Variants in PLK1 observed in about 807,000 individuals in gnomAD.
PLK1 encodes polo like kinase 1.
PLK1 carries 6 observed loss-of-function variants against 56.7 expected under a neutral mutation model. The observed-to-expected ratio is 0.11, with a 90% CI of 0.06 to 0.21. The LOEUF is 0.21. Among genes scored for constraint, PLK1 ranks in the 10% least tolerant of loss-of-function variants. The pLI is 1.00. For missense variants in PLK1, 546 were observed against 814.4 expected, an observed-to-expected ratio of 0.67 and a Z score of 4.01; for synonymous variants, 298 against 325.0, an observed-to-expected ratio of 0.92 and a Z score of 0.89.
chr16:23,679,024 C>G lies in PLK1; in HGVS notation c.92C>G (p.Pro31Arg). ...GVPGVAAPGA[P>R]AAAPPAKEIP... ...CCCGGAGTTGCAGCTCCCGGAGCTC[C>G]GGCGGCGGCTCCACCGGCGAAAGAG... Residue 31 changes from proline (P) to arginine (R), a missense_variant, in exon 1 of 10, where the codon CCG becomes CGG. Pro to Arg is a moderately radical substitution (Grantham distance 103). Transcript: ENST00000300093. The G allele has an allele frequency of 6.2e-7, 1 of 1,608,434 alleles. No individual in the cohort carries two copies. Among genetic ancestry groups the G allele is most frequent in the South Asian group, 1.1e-5 (1 of 90,722 alleles).
chr16:23,685,236 A>C (rs1390868494), intron 5 of PLK1, among the ~76,000 whole-genome samples: 1 of 151,874 alleles, frequency 6.6e-6, no homozygotes, highest in Non-Finnish European at 1.5e-5. Flanking sequence ...ACAACAACAA[A>C]AAACTCCCCA....
chr16:23,679,101 C>T lies in PLK1; in HGVS notation c.169C>T (p.Arg57Cys), dbSNP rs757915883. 1 of 1,609,712 alleles carries T rather than the reference C, an allele frequency of 6.2e-7. No individual in the cohort carries two copies. ...CAGCCGGCGGCGCTATGTGCGGGGCCGCTTTTTGGGCAAGGGCGGCTTTGC... is the reference window on the plus strand; with the variant it reads ...CAGCCGGCGGCGCTATGTGCGGGGCTGCTTTTTGGGCAAGGGCGGCTTTGC... The part of the protein sequence containing the change: ...PRSRRRYVRG[R>C]FLGKGGFAKC... The change falls in exon 1 of 10, where the codon CGC becomes TGC. Residue 57 changes from arginine to cysteine, a missense_variant. This residue lies in a region of PLK1 where 111 missense variants were observed against 211.8 expected (regional missense o/e 0.52). Coordinates refer to ENST00000300093, the MANE Select transcript of PLK1 (RefSeq NM_005030.6).
In PLK1 at chr16:23,688,659, CT is replaced by C; in HGVS notation, c.1193-8del. On this transcript the variant is annotated splice_polypyrimidine_tract_variant and splice_region_variant and intron_variant, in intron 6 of 9. Coordinates refer to ENST00000300093, the MANE Select transcript of PLK1 (RefSeq NM_005030.6). ...TGACCAACTAACTGTCTGTCTGTTT[CT>C]GTCTCAGAGGAGGCTGAGGATCCTG... 6.2e-7 allele frequency: 1 copy of C among 1,608,658 alleles called. No homozygotes were observed. Among genetic ancestry groups the C allele is most frequent in the Non-Finnish European group, 8.5e-7 (1 of 1,174,922 alleles).
chr16:23,689,659 C>A lies in PLK1; in HGVS notation c.1591C>A (p.Gln531Lys). The stretch of plus-strand genomic sequence containing the variant: ...CCTGCACCTCAGCAACGGCAGCGTG[C>A]AGATCAACTTCTTCCAGGTGAGCTG... ...IILHLSNGSV[Q>K]INFFQDHTKL... Residue 531 changes from glutamine (Q) to lysine (K), a missense_variant, in exon 9 of 10, where the codon CAG becomes AAG. Gln to Lys is a moderately conservative substitution (Grantham distance 53). Around this residue, in one of 7 missense-constraint regions of PLK1, gnomAD observed 113 missense variants for 202.0 expected, o/e 0.56. Coordinates refer to ENST00000300093, the MANE Select transcript of PLK1 (RefSeq NM_005030.6). This position sits in a 1 kb window ranked among gnomAD's most constrained non-coding sequence, Gnocchi z 4.8. The A allele has an allele frequency of 6.2e-7, 1 of 1,605,236 alleles. No homozygotes were observed. Among genetic ancestry groups the A allele is most frequent in the Non-Finnish European group, 8.5e-7 (1 of 1,175,520 alleles).
intron 1 of PLK1, 114 bp from the exon 2 acceptor site, chr16:23,679,970 C>A: frequency 1.5e-6 from 1 of 686,536 alleles, no homozygotes; most frequent in South Asian, 1.8e-5. Context: ...CCTCTTTCAT[C>A]CCTTGGGAGT....
rs773813284 is a variant in PLK1, at chr16:23,679,483, G to A, written c.408+143G>A. On this transcript the variant is annotated intron_variant, in intron 1 of 9. Transcript: ENST00000300093. ...AGGGTGCTGGGAGCCTCCCGCTTAC[G>A]TATGGAAAGTGTCTTTGGTAAGGGC... 18 of 715,434 alleles carry A rather than the reference G, an allele frequency of 2.5e-5. No homozygotes were observed. The South Asian group carries it at 3.5e-4, about 14-fold the overall frequency. 44.3% of individuals were successfully genotyped at this position (715,434 alleles called of 1,614,324 possible). A position where few individuals can be genotyped will look rare whatever the true frequency, so the allele number is the denominator to read the frequency against.
chr16:23,686,742 C>T lies in PLK1; in HGVS notation c.1037-727C>T, dbSNP rs896344451. Among the ~76,000 whole-genome samples the T allele has an allele frequency of 2.6e-5, 4 of 152,212 alleles. No homozygotes were observed. In the East Asian group the frequency reaches 5.8e-4, roughly 22 times the overall value. On this transcript the variant is annotated intron_variant, in intron 5 of 9. Coordinates refer to ENST00000300093, the MANE Select transcript of PLK1 (RefSeq NM_005030.6). The stretch of plus-strand genomic sequence containing the variant: ...CTGAGCTCAAACAATCTACCTGCCT[C>T]GGTCTCTCATAGTGTTGGGATTACA...
At chr16:23,680,856 C>T in intron 2 of PLK1, 58 bp from the exon 3 acceptor site, 1 of 1,537,958 alleles carries the variant, frequency 6.5e-7, no homozygotes, top group Non-Finnish European at 8.9e-7. Context: ...TAGCCTTCTG[C>T]ATTGACAGAT....
chr16:23,682,843 T>C (rs1446393461), intron 4 of PLK1, among the ~76,000 whole-genome samples: 3 of 152,044 alleles, frequency 2.0e-5, no homozygotes, highest in African/African-American at 7.2e-5. Context: ...GGCCTGCATC[T>C]TCTGAACCAT....
In PLK1 at chr16:23,680,103, A is replaced by G. The variant is rs750244892; in HGVS notation, c.428A>G (p.Lys143Arg). 1 of 1,613,766 alleles carries G rather than the reference A, an allele frequency of 6.2e-7. No individual in the cohort carries two copies. Among genetic ancestry groups the G allele is most frequent in the African/African-American group, 1.3e-5 (1 of 74,984 alleles). ...CRRRSLLELH[K>R]RRKALTEPEA... ...CCACAGTCTCTCCTGGAGCTGCACA[A>G]GAGGAGGAAAGCCCTGACTGAGCCT... Residue 143 changes from lysine (K) to arginine (R), a missense_variant, in exon 2 of 10, where the codon AAG (lysine) becomes AGG (arginine). By Grantham distance (26) the Lys-to-Arg change is conservative. Coordinates refer to ENST00000300093, the MANE Select transcript of PLK1 (RefSeq NM_005030.6).
chr16:23,683,730 C>G, intron 4 of PLK1, 140 bp from the exon 5 acceptor site: 1 of 716,306 alleles, frequency 1.4e-6, no homozygotes, highest in South Asian at 1.6e-5. Flanking sequence ...GGCATTGAAC[C>G]AAGTTGTGAA....
intron 6 of PLK1, among the ~76,000 whole-genome samples, chr16:23,688,444 G>A (rs548840490): frequency 2.1e-4 from 32 of 152,340 alleles, no homozygotes; most frequent in Non-Finnish European, 4.3e-4. Context: ...AACTTGGTGC[G>A]CTGTGCTGAG....
chr16:23,679,519 T>C (rs1461687433), intron 1 of PLK1, 179 bp downstream of exon 1: 3 of 597,006 alleles, frequency 5.0e-6, no homozygotes, highest in Non-Finnish European at 8.7e-6. Flanking sequence ...TTCTTGGCTC[T>C]GGGAGCTGCT....
rs149319665 is a variant in PLK1, at chr16:23,687,523, G to A, written c.1091G>A (p.Arg364Gln). Reference protein sequence around the residue: ...RPREKEEPVVRETGEVVDCHL... With the variant: ...RPREKEEPVVQETGEVVDCHL... The stretch of plus-strand genomic sequence containing the variant: ...CGGGAAAAAGAAGAACCAGTGGTTC[G>A]AGAGACAGGTGAGGTGGTCGACTGC... Residue 364 changes from arginine (R) to glutamine (Q), a missense_variant, in exon 6 of 10, where the codon CGA becomes CAA. Physicochemically the swap from Arg to Gln is conservative, Grantham distance 43 (BLOSUM62 1). Transcript: ENST00000300093. 90 of 1,602,198 alleles carry A rather than the reference G, an allele frequency of 5.6e-5. 1 individual carries two copies. The Middle Eastern group carries it at 8.3e-4, about 15-fold the overall frequency.
At chr16:23,680,278 C>T in intron 2 of PLK1, 26 bp downstream of exon 2, 3 of 1,605,892 alleles carry the variant, frequency 1.9e-6, no homozygotes, top group Non-Finnish European at 2.6e-6. Flanking sequence ...TGCAGGGGTG[C>T]TTGACATCAC....
In PLK1 at chr16:23,678,922, G is replaced by C; in HGVS notation, c.-11G>C. ...TGCTCGGATCGAGGTCTGCAGCGCA[G>C]CTTCGGGAGCATGAGTGCTGCAGTG... On this transcript the variant is annotated 5_prime_UTR_variant, in exon 1 of 10. Coordinates refer to ENST00000300093, the MANE Select transcript of PLK1 (RefSeq NM_005030.6). The C allele has an allele frequency of 6.6e-7, 1 of 1,507,552 alleles. No individual in the cohort carries two copies. 93.4% of individuals were successfully genotyped at this position (1,507,552 alleles called of 1,614,324 possible). A position where few individuals can be genotyped will look rare whatever the true frequency, so the allele number is the denominator to read the frequency against.
rs758611579 is a variant in PLK1 at position 23,679,310 on chromosome 16, G to C, written c.378G>C (p.Val126=). 6 of 1,613,638 alleles carry C rather than the reference G, an allele frequency of 3.7e-6. No homozygotes were observed. The highest frequency in any genetic ancestry group is 5.1e-6 in the Non-Finnish European group (6 of 1,179,856). ...FHGFFEDNDF[V]FVVLELCRRR... Reference sequence around the variant, plus strand: ...GCTTTTTCGAGGACAACGACTTCGTGTTCGTGGTGTTGGAGCTCTGCCGCC... The same window carrying C: ...GCTTTTTCGAGGACAACGACTTCGTCTTCGTGGTGTTGGAGCTCTGCCGCC... Residue 126 remains valine, a synonymous_variant, in exon 1 of 10, where the codon GTG becomes GTC. Coordinates refer to ENST00000300093, the MANE Select transcript of PLK1 (RefSeq NM_005030.6).
In PLK1 at chr16:23,688,756, TC is replaced by T. The variant is rs1567240526; in HGVS notation, c.1270+13del. ...ACAAGTACGGCCTTGGTAGGTTTCT[TC>T]CAGAACAGGTGGGTGACTCAGGCAC... On this transcript the variant is annotated intron_variant, in intron 7 of 9. Transcript: ENST00000300093. 2 of 1,599,132 alleles carry T rather than the reference TC, an allele frequency of 1.3e-6. No homozygotes were observed. The highest frequency in any genetic ancestry group is 1.7e-6 in the Non-Finnish European group (2 of 1,166,436).
At position 23,678,973 on chromosome 16, in the gene PLK1, C is replaced by A. The variant is rs1959276853; in HGVS notation, c.41C>A (p.Pro14Gln). ...ACTGCAGGGAAGCTGGCACGGGCACCGGCCGACCCTGGGAAAGCCGGGGTC... is the reference window on the plus strand; with the variant it reads ...ACTGCAGGGAAGCTGGCACGGGCACAGGCCGACCCTGGGAAAGCCGGGGTC... ...AVTAGKLARA[P>Q]ADPGKAGVPG... Residue 14 changes from proline (P) to glutamine (Q), a missense_variant, in exon 1 of 10, where the codon CCG (proline) becomes CAG (glutamine). By Grantham distance (76) the Pro-to-Gln change is moderately conservative. Transcript: ENST00000300093. The A allele has an allele frequency of 6.9e-6, 11 of 1,587,000 alleles. No individual in the cohort carries two copies. Among genetic ancestry groups the A allele is most frequent in the Non-Finnish European group, 9.4e-6 (11 of 1,167,346 alleles).
Sources: allele counts gnomAD v4.1 joint callset (sites outside exome capture counted in the v4.1 genomes callset), GRCh38; gene constraint gnomAD v4.1.1; regional missense constraint gnomAD v4.1.1; non-coding constraint Gnocchi (gnomAD v3.1); transcripts MANE v1.5; gene names NCBI Gene and HGNC (gene_info 2026-07-23, HGNC 2026-07-21).